Variants in CDH4 observed in about 807,000 individuals in gnomAD.
The protein encoded by CDH4 is cadherin 4, also known as cadherin-4.
CDH4 carries 33 observed loss-of-function variants against 86.0 expected under a neutral mutation model. That is an observed-to-expected ratio of 0.38 (90% confidence interval 0.29 to 0.51). The LOEUF (loss-of-function observed/expected upper bound fraction) is 0.51, where lower values mean the gene tolerates loss of function less well. Among genes scored for constraint, CDH4 ranks in the 20% least tolerant of loss-of-function variants. The pLI, the probability that CDH4 is intolerant of heterozygous loss-of-function variation, is 0.86. For missense variants in CDH4, 1,114 were observed against 1,307.4 expected (o/e 0.85, Z 2.28); for synonymous variants, 555 against 549.4 (o/e 1.01, Z -0.14).
rs553052693 is a variant in CDH4, at chr20:61,427,895, G to A, written c.169+172958G>A. Among the ~76,000 whole-genome samples the A allele has an allele frequency of 4.6e-5, 7 of 151,796 alleles. No individual in the cohort carries two copies. In the South Asian group the frequency reaches 1.0e-3, roughly 23 times the overall value. ...ATGCTGTATTAGATAGGACAGAGGC[G>A]GGGAGAGAAGGAGGAAGGCAGGAGA... On this transcript the variant is annotated intron_variant, in intron 2 of 15. Coordinates refer to ENST00000614565, the MANE Select transcript of CDH4 (RefSeq NM_001794.5).
intron 2 of CDH4, among the ~76,000 whole-genome samples, chr20:61,700,829 C>G (rs2087767630): frequency 6.6e-6 from 1 of 152,206 alleles, no homozygotes; most frequent in South Asian, 2.1e-4. Context: ...CGGGTGAGTG[C>G]CACATGAGTC....
chr20:61,759,495 G>A (rs970658198), intron 3 of CDH4, among the ~76,000 whole-genome samples: 21 of 152,274 alleles, frequency 1.4e-4, no homozygotes, highest in African/African-American at 3.4e-4. Context: ...TGGATGGAGC[G>A]TTTATCGCGG....
chr20:61,613,868 G>C (rs1165095348), intron 2 of CDH4, among the ~76,000 whole-genome samples: 12 of 151,892 alleles, frequency 7.9e-5, no homozygotes, highest in Non-Finnish European at 1.3e-4. Context: ...GGGGGCTTTG[G>C]GGAGGAGCTC....
At chr20:61,503,844 G>A (rs1047883109) in intron 2 of CDH4, among the ~76,000 whole-genome samples, 4 of 152,190 alleles carry the variant, frequency 2.6e-5, no homozygotes, top group African/African-American at 9.7e-5. Flanking sequence ...CAATTTTCTT[G>A]TGAATTTCAT....
intron 9 of CDH4, among the ~76,000 whole-genome samples, chr20:61,912,080 A>G (rs2054857128): frequency 6.6e-6 from 1 of 152,146 alleles, no homozygotes; most frequent in South Asian, 2.1e-4. Flanking sequence ...GTGGTCCAAA[A>G]TGGCTACTAG....
At chr20:61,592,118 G>C (rs2086523188) in intron 2 of CDH4, among the ~76,000 whole-genome samples, 1 of 151,980 alleles carries the variant, frequency 6.6e-6, no homozygotes, top group Non-Finnish European at 1.5e-5. Flanking sequence ...AGTTGAGCTA[G>C]CAACTCAAAA....
chr20:61,269,134 T>G lies in CDH4; in HGVS notation c.169+14197T>G, dbSNP rs2084171146. ...TGGTCCACTGATGGAGCCCTCCCCA[T>G]GCCGGGTGCTGCACCGTACCAGCTG... is the stretch of plus-strand genomic sequence containing the variant. On this transcript the variant is annotated intron_variant, in intron 2 of 15. Transcript: ENST00000614565. This position sits in a 1 kb window ranked among gnomAD's most constrained non-coding sequence, Gnocchi z 5.3. Among the ~76,000 whole-genome samples the G allele has an allele frequency of 6.6e-6, 1 of 152,192 alleles. No homozygotes were observed. The highest frequency in any genetic ancestry group is 1.5e-5 in the Non-Finnish European group (1 of 68,026).
chr20:61,575,975 T>C (rs1345246959), intron 2 of CDH4, among the ~76,000 whole-genome samples: 1 of 151,918 alleles, frequency 6.6e-6, no homozygotes, highest in Non-Finnish European at 1.5e-5. Context: ...GCTTCGTCCT[T>C]GGGTTTTGGT....
intron 2 of CDH4, among the ~76,000 whole-genome samples, chr20:61,330,954 T>G (rs1369324822): frequency 2.0e-5 from 3 of 152,118 alleles, no homozygotes; most frequent in African/African-American, 7.2e-5. Context: ...AGAGGGTCTG[T>G]GAAACAAGTT....
chr20:61,659,945 C>T (rs1055488765), intron 2 of CDH4, among the ~76,000 whole-genome samples: 2 of 152,148 alleles, frequency 1.3e-5, no homozygotes, highest in African/African-American at 4.8e-5. Flanking sequence ...CCTCCCCAAG[C>T]CTGTCTCTGT....
Position 61,933,619 on chromosome 20 carries a change from AC to A in CDH4, c.2380-436del, listed in dbSNP as rs1268907406. Among the ~76,000 whole-genome samples, 10 of 151,948 alleles carry A rather than the reference AC, an allele frequency of 6.6e-5. No individual in the cohort carries two copies. The South Asian group carries it at 1.0e-3, about 16-fold the overall frequency. On this transcript the variant is annotated intron_variant, in intron 14 of 15. Coordinates refer to ENST00000614565, the MANE Select transcript of CDH4 (RefSeq NM_001794.5). ...CAGACCCCTCCCTGCCCCTCCCACA[AC>A]ACGACCATAACGAACGTGAGGCATG...
rs180678591 is a variant in CDH4, at chr20:61,663,436, A to G, written c.170-80127A>G. On this transcript the variant is annotated intron_variant, in intron 2 of 15. Transcript: ENST00000614565. The surrounding 1 kb of genome is among the most constrained non-coding windows in gnomAD (Gnocchi z 5.0). ...CTAGAAAAAGAGCTGCGTAAAAGAC[A>G]ATAATTCTGAAGGCTCTGGGTCGGG... is the stretch of plus-strand genomic sequence containing the variant. 6.6e-6 allele frequency among the ~76,000 whole-genome samples: 1 copy of G among 152,314 alleles called. No individual in the cohort carries two copies. Among genetic ancestry groups the G allele is most frequent in the Non-Finnish European group, 1.5e-5 (1 of 68,034 alleles).
chr20:61,281,524 G>T (rs1235966519), intron 2 of CDH4, among the ~76,000 whole-genome samples: 1 of 152,230 alleles, frequency 6.6e-6, no homozygotes, highest in Non-Finnish European at 1.5e-5. Context: ...CCGCCCAAGG[G>T]AAGGAGCTTT....
At chr20:61,280,252 G>A (rs894098438) in intron 2 of CDH4, among the ~76,000 whole-genome samples, 1 of 152,176 alleles carries the variant, frequency 6.6e-6, no homozygotes, top group Non-Finnish European at 1.5e-5. Context: ...GGAGTTGCAT[G>A]GGAATGATGG....
At chr20:61,573,555 G>T (rs2086360697) in intron 2 of CDH4, among the ~76,000 whole-genome samples, 1 of 152,186 alleles carries the variant, frequency 6.6e-6, no homozygotes, top group Non-Finnish European at 1.5e-5. Context: ...TGGTGGAGGG[G>T]GTCGTGTCCC....
intron 2 of CDH4, among the ~76,000 whole-genome samples, chr20:61,390,733 C>G (rs1189046697): frequency 6.6e-6 from 1 of 151,588 alleles, no homozygotes; most frequent in Non-Finnish European, 1.5e-5. Flanking sequence ...CGATTGAGAT[C>G]GTGCAGTCAT....
At chr20:61,266,335 T>C (rs1330531872) in intron 2 of CDH4, among the ~76,000 whole-genome samples, 4 of 152,038 alleles carry the variant, frequency 2.6e-5, no homozygotes, top group Non-Finnish European at 5.9e-5. Context: ...GACCTAGCTC[T>C]CTTTGTCTCT....
At chr20:61,483,931 G>A (rs563761955) in intron 2 of CDH4, among the ~76,000 whole-genome samples, 3 of 152,092 alleles carry the variant, frequency 2.0e-5, no homozygotes, top group East Asian at 1.9e-4. Flanking sequence ...TTTCCCTTTC[G>A]CTCCTGTCCC....
At chr20:61,771,852 C>G (rs944314327) in intron 3 of CDH4, among the ~76,000 whole-genome samples, 6 of 152,244 alleles carry the variant, frequency 3.9e-5, no homozygotes, top group South Asian at 2.1e-4. Flanking sequence ...TAAAAAACAT[C>G]CAAAGTAAAC....
Sources: gnomAD v4.1 joint callset for allele counts (sites outside exome capture counted in the v4.1 genomes callset) on GRCh38, gnomAD v4.1.1 for gene constraint, Gnocchi (gnomAD v3.1) non-coding constraint, MANE v1.5 for transcripts, NCBI Gene and HGNC (gene_info 2026-07-23, HGNC 2026-07-21) for gene names.